The following UCHL3 variants were observed in gnomAD, a reference collection of about 807,000 sequenced individuals.
The protein encoded by UCHL3 is ubiquitin C-terminal hydrolase L3.
Under a neutral mutation model 35.8 loss-of-function variants are expected in UCHL3, and 22 were observed. That is an observed-to-expected ratio of 0.61 (90% CI 0.44 to 0.88). The LOEUF (loss-of-function observed/expected upper bound fraction) is 0.88. UCHL3 is among the 40% of genes least tolerant of loss of function. The pLI, the probability that UCHL3 is intolerant of heterozygous loss-of-function variation, is 0.00. For missense variants in UCHL3, 229 were observed against 276.9 expected (o/e 0.83, Z 1.23); for synonymous variants, 90 against 92.8 (o/e 0.97, Z 0.17).
At chr13:75,588,190 T>C (rs1385304258) in intron 6 of UCHL3, among the ~76,000 whole-genome samples, 1 of 152,164 alleles carries the variant, frequency 6.6e-6, no homozygotes, top group Non-Finnish European at 1.5e-5. Flanking sequence ...TTTCTCACAC[T>C]GAATTCTTTG....
intron 3 of UCHL3, among the ~76,000 whole-genome samples, chr13:75,564,873 T>G (rs906086179): frequency 6.6e-6 from 1 of 152,082 alleles, no homozygotes; most frequent in Non-Finnish European, 1.5e-5. Context: ...TTTTTGTATC[T>G]TCAGTAGAGA....
chr13:75,604,356 C>T (rs2032869546), intron 7 of UCHL3, among the ~76,000 whole-genome samples: 2 of 152,044 alleles, frequency 1.3e-5, no homozygotes, highest in South Asian at 2.1e-4. Context: ...TTGTATAAGC[C>T]ATGACAGTGT....
intron 3 of UCHL3, among the ~76,000 whole-genome samples, chr13:75,563,505 A>G (rs2031584001): frequency 6.6e-6 from 1 of 152,160 alleles, no homozygotes; most frequent in African/African-American, 2.4e-5. Flanking sequence ...TTAAAAATAA[A>G]TTTTATTGTG....
At chr13:75,550,106 C>G in intron 2 of UCHL3, 119 bp downstream of exon 2, 3 of 1,510,828 alleles carry the variant, frequency 2.0e-6, no homozygotes, top group Non-Finnish European at 1.8e-6. Flanking sequence ...CTTGAGGGCC[C>G]CTCTTGTTCG....
intron 6 of UCHL3, among the ~76,000 whole-genome samples, chr13:75,573,424 A>G (rs2031924494): frequency 6.6e-6 from 1 of 152,142 alleles, no homozygotes; most frequent in Non-Finnish European, 1.5e-5. Context: ...TTGCTTGGGC[A>G]TTCATCACAA....
intron 6 of UCHL3, among the ~76,000 whole-genome samples, chr13:75,581,360 T>C (rs1379149549): frequency 6.6e-6 from 1 of 151,520 alleles, no homozygotes; most frequent in Non-Finnish European, 1.5e-5. Context: ...TTTTTTTTTT[T>C]TTTCCTTGAG....
At chr13:75,601,146 A>C (rs1473228440) in intron 7 of UCHL3, among the ~76,000 whole-genome samples, 1 of 152,250 alleles carries the variant, frequency 6.6e-6, no homozygotes, top group Non-Finnish European at 1.5e-5. Context: ...CTTAAAGATG[A>C]GCAAATAAAC....
intron 6 of UCHL3, among the ~76,000 whole-genome samples, chr13:75,570,095 C>G (rs181016902): frequency 7.9e-5 from 12 of 152,084 alleles, no homozygotes; most frequent in African/African-American, 2.9e-4. Flanking sequence ...CTGTATCACT[C>G]TAAGAGGAAG....
At chr13:75,583,105 A>G (rs1251281620) in intron 6 of UCHL3, among the ~76,000 whole-genome samples, 2 of 152,242 alleles carry the variant, frequency 1.3e-5, no homozygotes, top group Non-Finnish European at 2.9e-5. Context: ...TATTGATTCT[A>G]ATGTTTTAAC....
chr13:75,558,661 A>G (rs974728660), intron 2 of UCHL3, among the ~76,000 whole-genome samples: 2 of 152,188 alleles, frequency 1.3e-5, no homozygotes, highest in Non-Finnish European at 2.9e-5. Context: ...TCTTTTCCTC[A>G]TTATACAGAG....
intron 8 of UCHL3, among the ~76,000 whole-genome samples, chr13:75,605,423 G>T (rs1283576468): frequency 6.6e-6 from 1 of 152,130 alleles, no homozygotes; most frequent in African/African-American, 2.4e-5. Context: ...TAGGAGATTT[G>T]CTTGAACCCG....
intron 6 of UCHL3, among the ~76,000 whole-genome samples, chr13:75,580,534 A>G (rs1455071918): frequency 1.3e-5 from 2 of 152,058 alleles, no homozygotes; most frequent in Non-Finnish European, 2.9e-5. Context: ...CATATTTTAG[A>G]CTCAGCGGTC....
At chr13:75,563,826 C>T (rs1231920638) in intron 3 of UCHL3, among the ~76,000 whole-genome samples, 1 of 151,904 alleles carries the variant, frequency 6.6e-6, no homozygotes, top group Non-Finnish European at 1.5e-5. Flanking sequence ...ATTTTTCTTT[C>T]TGTGTCTGGC....
chr13:75,549,572 C>G, upstream of UCHL3: 2 of 459,102 alleles, frequency 4.4e-6, no homozygotes, highest in South Asian at 5.0e-5. Context: ...TACTGTTTTT[C>G]TCCCGAAATA....
At chr13:75,581,648 A>G (rs1593747482) in intron 6 of UCHL3, among the ~76,000 whole-genome samples, 1 of 151,118 alleles carries the variant, frequency 6.6e-6, no homozygotes, top group East Asian at 1.9e-4. Context: ...GTGAGCCACT[A>G]ACAAAACACT....
At chr13:75,593,240 A>G (rs1468067592) in intron 6 of UCHL3, among the ~76,000 whole-genome samples, 1 of 152,166 alleles carries the variant, frequency 6.6e-6, no homozygotes, top group African/African-American at 2.4e-5. Flanking sequence ...CTTTTTTATT[A>G]TAGAATTAAA....
intron 6 of UCHL3, among the ~76,000 whole-genome samples, chr13:75,588,443 G>A (rs1016320448): frequency 7.9e-5 from 12 of 151,884 alleles, no homozygotes; most frequent in African/African-American, 1.9e-4. Context: ...CAGATTGAAT[G>A]TGACAAATTT....
At chr13:75,553,100 A>G (rs939732778) in intron 2 of UCHL3, among the ~76,000 whole-genome samples, 5 of 152,222 alleles carry the variant, frequency 3.3e-5, no homozygotes, top group Non-Finnish European at 5.9e-5. Flanking sequence ...CTGCTGGCTT[A>G]TTGCCTTAAA....
At chr13:75,585,855 G>A (rs764620515) in intron 6 of UCHL3, among the ~76,000 whole-genome samples, 1 of 151,784 alleles carries the variant, frequency 6.6e-6, no homozygotes, top group Non-Finnish European at 1.5e-5. Context: ...AAATCCTCAG[G>A]CAATTACTGA....
Sources: allele counts gnomAD v4.1 joint callset (sites outside exome capture counted in the v4.1 genomes callset), GRCh38; gene constraint gnomAD v4.1.1; transcripts MANE v1.5; gene names NCBI Gene and HGNC (gene_info 2026-07-23, HGNC 2026-07-21).